NOL4L: variants seen among roughly 807,000 people sequenced by gnomAD.
NOL4L encodes nucleolar protein 4-like.
NOL4L carries 7 observed loss-of-function variants against 64.5 expected under a neutral mutation model. The ratio of observed to expected loss-of-function variants is 0.11; its 90% CI spans 0.06 to 0.20. NOL4L has a LOEUF of 0.20. Among genes scored for constraint, NOL4L ranks in the 10% least tolerant of loss-of-function variants. The pLI, the probability that NOL4L is intolerant of heterozygous loss-of-function variation, is 1.00. For synonymous variants in NOL4L, 413 were observed against 401.0 expected (o/e 1.03, Z -0.36); for missense variants, 680 against 967.1 (o/e 0.70, Z 3.94).
At chr20:32,455,771 G>C (rs1369134238) in intron 6 of NOL4L, among the ~76,000 whole-genome samples, 1 of 152,236 alleles carries the variant, frequency 6.6e-6, no homozygotes, top group Non-Finnish European at 1.5e-5. Flanking sequence ...CTCGTACCTG[G>C]CTGTGCCGAA....
Position 32,571,388 on chromosome 20 carries a change from TGTTTCACCAG to T in NOL4L, c.321+13172_321+13181del, listed in dbSNP as rs568976386. On this transcript the variant is annotated intron_variant, in intron 1 of 10. Coordinates refer to ENST00000621426, the MANE Select transcript of NOL4L (RefSeq NM_001256798.2). ...TTTTTAGTAGAGATGGTTTGTTTTT[TGTTTCACCAG>T]GTTTCACCATGTTGGCCAGGCTGGT... Among the ~76,000 whole-genome samples, 29 of 152,236 alleles carry T rather than the reference TGTTTCACCAG, an allele frequency of 1.9e-4. No homozygotes were observed. The East Asian group carries it at 5.2e-3, about 27-fold the overall frequency.
chr20:32,493,418 G>A (rs540859669), intron 4 of NOL4L, among the ~76,000 whole-genome samples: 2 of 152,126 alleles, frequency 1.3e-5, no homozygotes, highest in Non-Finnish European at 2.9e-5. Flanking sequence ...TAGTGTGTGG[G>A]GTCATGTCCA....
intron 1 of NOL4L, among the ~76,000 whole-genome samples, chr20:32,559,163 CG>C (rs1891496934): frequency 6.6e-6 from 1 of 152,094 alleles, no homozygotes; most frequent in African/African-American, 2.4e-5. Flanking sequence ...TCATAATCAT[CG>C]GGTTCTGGAT....
intron 5 of NOL4L, among the ~76,000 whole-genome samples, chr20:32,457,553 C>T (rs2013666825): frequency 6.6e-6 from 1 of 152,080 alleles, no homozygotes; most frequent in African/African-American, 2.4e-5. Context: ...CCATGGCGAC[C>T]GAGCGGCTCT....
rs372554675 is a variant in NOL4L, at chr20:32,489,758, C to T, written c.700-15016G>A. Reference sequence around the variant, plus strand: ...CTGGGAGGCAGAGCTTGCGGTTAGCCGAGATCATGCCACTGCACTCCAGCC... The same window carrying T: ...CTGGGAGGCAGAGCTTGCGGTTAGCTGAGATCATGCCACTGCACTCCAGCC... On this transcript the variant is annotated intron_variant, in intron 4 of 10. Transcript: ENST00000621426. 2.0e-4 allele frequency among the ~76,000 whole-genome samples: 31 copies of T among 151,420 alleles called. No individual in the cohort carries two copies. In the East Asian group the frequency reaches 4.5e-3, roughly 22 times the overall value.
At chr20:32,537,025 C>A (rs2018555546) in intron 1 of NOL4L, 4 of 981,776 alleles carry the variant, frequency 4.1e-6, no homozygotes, top group Non-Finnish European at 4.8e-6. Context: ...CCCTTCCGGC[C>A]CCGCCAACCG....
chr20:32,564,975 GC>G (rs375695835), intron 1 of NOL4L: 4 of 152,396 alleles, frequency 2.6e-5, no homozygotes, highest in Admixed American at 2.0e-4. Context: ...CCTGCACGAA[GC>G]CCACCTGCCA....
At chr20:32,474,552 C>T (rs767776126) in intron 5 of NOL4L, 49 bp downstream of exon 5, 1 of 1,573,830 alleles carries the variant, frequency 6.4e-7, no homozygotes, top group Non-Finnish European at 8.6e-7. Flanking sequence ...CAACTGGGAG[C>T]AGGGGGCCGG....
intron 1 of NOL4L, among the ~76,000 whole-genome samples, chr20:32,551,537 G>A (rs1033387401): frequency 2.6e-5 from 4 of 152,022 alleles, no homozygotes; most frequent in East Asian, 1.9e-4. Context: ...CCCCGAAAAC[G>A]TAAGTAAAAG....
intron 1 of NOL4L, among the ~76,000 whole-genome samples, chr20:32,571,976 C>A (rs1211929235): frequency 6.6e-6 from 1 of 152,232 alleles, no homozygotes; most frequent in Non-Finnish European, 1.5e-5. Context: ...TACCAACAGA[C>A]CCTGCTTGTG....
At chr20:32,511,688 G>A (rs772715865) in intron 3 of NOL4L, among the ~76,000 whole-genome samples, 19 of 152,078 alleles carry the variant, frequency 1.2e-4, no homozygotes, top group Non-Finnish European at 2.5e-4. Context: ...GATTTCACAC[G>A]TTAAAAAACA....
In NOL4L at chr20:32,456,356, G is replaced by A; in HGVS notation, c.881C>T (p.Ser294Phe). 6.8e-7 allele frequency: 1 copy of A among 1,481,342 alleles called. No homozygotes were observed. Among genetic ancestry groups the A allele is most frequent in the Non-Finnish European group, 9.0e-7 (1 of 1,112,184 alleles). 91.8% of individuals were successfully genotyped at this position (1,481,342 alleles called of 1,614,324 possible). ...GCTCGACGTGGATGGGTTCAGGGTG[G>A]AGGAGCCATTGCCGCTGCCACTCTC... is the stretch of plus-strand genomic sequence containing the variant. ...SSESGSGNGS[S>F]TLNPSTSSST... The change falls in exon 6 of 11, where the codon TCC becomes TTC. Residue 294 changes from serine (S) to phenylalanine (F), a missense_variant. By Grantham distance (155) the Ser-to-Phe change is radical. Around this residue, in one of 4 missense-constraint regions of NOL4L, gnomAD observed 254 missense variants for 238.7 expected, o/e 1.06. Coordinates refer to ENST00000621426, the MANE Select transcript of NOL4L (RefSeq NM_001256798.2).
chr20:32,491,196 T>C (rs981250437), intron 4 of NOL4L, among the ~76,000 whole-genome samples: 1 of 152,216 alleles, frequency 6.6e-6, no homozygotes, highest in African/African-American at 2.4e-5. Flanking sequence ...CTGATCTGCA[T>C]GCTGGTCATG....
At chr20:32,482,122 TC>T (rs1039054685) in intron 4 of NOL4L, among the ~76,000 whole-genome samples, 1 of 152,100 alleles carries the variant, frequency 6.6e-6, no homozygotes, top group African/African-American at 2.4e-5. Flanking sequence ...GTTATTCATC[TC>T]CCCTCAGAGC....
At chr20:32,462,055 C>T (rs565841468) in intron 5 of NOL4L, among the ~76,000 whole-genome samples, 2 of 152,184 alleles carry the variant, frequency 1.3e-5, no homozygotes, top group South Asian at 4.2e-4. Flanking sequence ...CCAAGCTGGG[C>T]CCGAGGACAT....
At chr20:32,574,730 A>G (rs1291852049) in intron 1 of NOL4L, among the ~76,000 whole-genome samples, 4 of 152,062 alleles carry the variant, frequency 2.6e-5, no homozygotes. Context: ...GAGGGCTCCA[A>G]GCTGGAGAGG....
chr20:32,474,778 G>C lies in NOL4L; in HGVS notation c.700-36C>G. ...ACAAAGAAGGTGGGCATTCAGCAGGGACGGGCTCTCATCAGCCTGAGGCAG... is the reference window on the plus strand; with the variant it reads ...ACAAAGAAGGTGGGCATTCAGCAGGCACGGGCTCTCATCAGCCTGAGGCAG... On this transcript the variant is annotated intron_variant, in intron 4 of 10. Coordinates refer to ENST00000621426, the MANE Select transcript of NOL4L (RefSeq NM_001256798.2). 4 of 1,562,332 alleles carry C rather than the reference G, an allele frequency of 2.6e-6. No homozygotes were observed. The South Asian group carries it at 4.7e-5, about 18-fold the overall frequency.
chr20:32,483,309 G>A, intron 4 of NOL4L: 1 of 952,734 alleles, frequency 1.0e-6, no homozygotes, highest in Non-Finnish European at 1.2e-6. Flanking sequence ...GGGGGGCGGC[G>A]GCCCGGGCCC....
Position 32,464,584 on chromosome 20 carries a change from C to T in NOL4L, c.842-8189G>A, listed in dbSNP as rs569004362. Among the ~76,000 whole-genome samples the T allele has an allele frequency of 6.6e-6, 1 of 152,348 alleles. No individual in the cohort carries two copies. Among genetic ancestry groups the T allele is most frequent in the Admixed American group, 6.5e-5 (1 of 15,306 alleles). ...CCTCTACCCCCACAGCATGCGCCTC[C>T]TCTGCGTGTGCCCCTCAGTGCCCGG... On this transcript the variant is annotated intron_variant, in intron 5 of 10. Transcript: ENST00000621426. The surrounding 1 kb of genome is among the most constrained non-coding windows in gnomAD (Gnocchi z 5.6).
Sources: gnomAD v4.1 joint callset for allele counts (sites outside exome capture counted in the v4.1 genomes callset) on GRCh38, gnomAD v4.1.1 for gene constraint, gnomAD v4.1.1 regional missense constraint, Gnocchi (gnomAD v3.1) non-coding constraint, MANE v1.5 for transcripts, NCBI Gene and HGNC (gene_info 2026-07-23, HGNC 2026-07-21) for gene names.